The following MSMO1 variants were observed in gnomAD, a reference collection of about 807,000 sequenced individuals.
MSMO1 encodes C-4 methylsterol oxidase.
A neutral mutation model predicts 30.4 loss-of-function variants in MSMO1; 18 were observed. The observed-to-expected ratio is 0.59, with a 90% CI of 0.41 to 0.88. The LOEUF (loss-of-function observed/expected upper bound fraction) is 0.88, where lower values mean the gene tolerates loss of function less well. Among genes scored for constraint, MSMO1 ranks in the 40% least tolerant of loss-of-function variants. MSMO1 has a pLI of 0.00. For missense variants in MSMO1, 284 were observed against 340.5 expected, an observed-to-expected ratio of 0.83 and a Z score of 1.31; for synonymous variants, 84 against 107.9, an observed-to-expected ratio of 0.78 and a Z score of 1.37.
At chr4:165,337,971 T>C (rs773436048) in intron 3 of MSMO1, 34 bp downstream of exon 3, 62 of 1,593,514 alleles carry the variant, frequency 3.9e-5, no homozygotes, top group Admixed American at 1.0e-4. Context: ...TTACACCCAA[T>C]TGTGGCTTAT....
chr4:165,330,713 C>CT (rs544553624), intron 1 of MSMO1, among the ~76,000 whole-genome samples: 15 of 151,548 alleles, frequency 9.9e-5, no homozygotes, highest in Admixed American at 2.6e-4. Flanking sequence ...CTTTTTTATT[C>CT]TTTTTTTTTG....
rs889857735 is a variant in MSMO1, at chr4:165,342,059, A to G, written c.*113A>G. Reference sequence around the variant, plus strand: ...GCATGTCTTCTGGCTACTAAGTGATAAAAAGAACATTAACAACCTTTAATT... The same window carrying G: ...GCATGTCTTCTGGCTACTAAGTGATGAAAAGAACATTAACAACCTTTAATT... On this transcript the variant is annotated 3_prime_UTR_variant, in exon 6 of 6. Coordinates refer to ENST00000261507, the MANE Select transcript of MSMO1 (RefSeq NM_006745.5). The G allele has an allele frequency of 3.3e-6, 3 of 912,128 alleles. No homozygotes were observed. Among genetic ancestry groups the G allele is most frequent in the Non-Finnish European group, 3.4e-6 (2 of 585,078 alleles). 56.5% of individuals were successfully genotyped at this position (912,128 alleles called of 1,614,324 possible). A position where few individuals can be genotyped will look rare whatever the true frequency, so the allele number is the denominator to read the frequency against.
intron 3 of MSMO1, 111 bp downstream of exon 3, chr4:165,338,048 G>A: frequency 9.9e-7 from 1 of 1,013,772 alleles, no homozygotes; most frequent in Non-Finnish European, 1.5e-6. Flanking sequence ...CTAAACTTTG[G>A]AAGTAAATAA....
At position 165,333,620 on chromosome 4, in the gene MSMO1, C is replaced by T. The variant is rs1252921136; in HGVS notation, c.250C>T (p.Gln84Ter). The T allele has an allele frequency of 3.1e-6, 5 of 1,589,900 alleles. No individual in the cohort carries two copies. The highest frequency in any genetic ancestry group is 4.3e-6 in the Non-Finnish European group (5 of 1,166,826). ...ACCTTATATGAAAAAATACAAAATT[C>T]AAAAGGTGAGTATAAGGGACTAGAA... ...FIPYMKKYKI[Q>*]KDKPETWENQ... Residue 84 changes from glutamine to a stop codon, truncating the protein, a stop_gained, in exon 2 of 6, where the codon CAA (glutamine) becomes TAA (stop). Transcript: ENST00000261507. LOFTEE classifies it high-confidence loss of function.
In MSMO1 at chr4:165,333,801, A is replaced by C. The variant is rs1550271; in HGVS notation, c.255+176A>C. Among the ~76,000 whole-genome samples the C allele has an allele frequency of 0.61, 93,033 of 152,016 alleles. 28,956 individuals are homozygous for C. The highest frequency in any genetic ancestry group is 0.67 in the Admixed American group (10,240 of 15,282). On this transcript the variant is annotated intron_variant, in intron 2 of 5. Coordinates refer to ENST00000261507, the MANE Select transcript of MSMO1 (RefSeq NM_006745.5). ...ATAGAAAAGGTAAAAAGAAATAAGG[A>C]AATTAATTTCATAATGTGTATCATT...
In MSMO1 at chr4:165,340,473, G is replaced by C. The variant is rs1355904681; in HGVS notation, c.686+98G>C. 16 of 1,028,514 alleles carry C rather than the reference G, an allele frequency of 1.6e-5. No homozygotes were observed. The Admixed American group carries it at 1.6e-4, about 10-fold the overall frequency. 63.7% of individuals were successfully genotyped at this position (1,028,514 alleles called of 1,614,324 possible). A position where few individuals can be genotyped will look rare whatever the true frequency, so the allele number is the denominator to read the frequency against. Reference sequence around the variant, plus strand: ...ATTTCTAAGGAGACTAATAGGAGAAGTTAATCTTCTTAATGTTATATTAAG... The same window carrying C: ...ATTTCTAAGGAGACTAATAGGAGAACTTAATCTTCTTAATGTTATATTAAG... On this transcript the variant is annotated intron_variant, in intron 5 of 5. Coordinates refer to ENST00000261507, the MANE Select transcript of MSMO1 (RefSeq NM_006745.5).
chr4:165,328,628 A>G (rs1189137574), intron 1 of MSMO1, among the ~76,000 whole-genome samples: 1 of 152,118 alleles, frequency 6.6e-6, no homozygotes. Context: ...AACTAAATTT[A>G]TCTAGTCAAC....
chr4:165,343,146 A>G lies in MSMO1; in HGVS notation c.*1200A>G, dbSNP rs1459093818. ...TTGAAAGTACAGAAATCATTAAATT[A>G]TTAAGTTGTACAATAAAAGGATTGG... On this transcript the variant is annotated 3_prime_UTR_variant, in exon 6 of 6. Transcript: ENST00000261507. 6.8e-6 allele frequency: 1 copy of G among 146,814 alleles called. No homozygotes were observed. The highest frequency in any genetic ancestry group is 1.5e-5 in the Non-Finnish European group (1 of 66,534). 9.1% of individuals were successfully genotyped at this position (146,814 alleles called of 1,614,324 possible).
At chr4:165,334,442 CTA>C (rs1305714909) in intron 2 of MSMO1, among the ~76,000 whole-genome samples, 1 of 152,212 alleles carries the variant, frequency 6.6e-6, no homozygotes, top group Non-Finnish European at 1.5e-5. Flanking sequence ...CACCCCAACT[CTA>C]TGTTCCAGTA....
chr4:165,334,219 C>T (rs982214802), intron 2 of MSMO1, among the ~76,000 whole-genome samples: 1 of 152,206 alleles, frequency 6.6e-6, no homozygotes, highest in Non-Finnish European at 1.5e-5. Context: ...TCAATTTAGA[C>T]TAGCCATGTT....
intron 3 of MSMO1, 144 bp downstream of exon 3, chr4:165,338,081 T>TA: frequency 1.4e-6 from 1 of 718,614 alleles, no homozygotes; most frequent in Non-Finnish European, 2.3e-6. Flanking sequence ...TAAACCACAG[T>TA]AAAATCTTAA....
In MSMO1 at chr4:165,342,605, C is replaced by T. The variant is rs1747746639; in HGVS notation, c.*659C>T. 6.6e-6 allele frequency: 1 copy of T among 152,288 alleles called. No individual in the cohort carries two copies. The highest frequency in any genetic ancestry group is 1.5e-5 in the Non-Finnish European group (1 of 68,136). 9.4% of individuals were successfully genotyped at this position (152,288 alleles called of 1,614,324 possible). A position where few individuals can be genotyped will look rare whatever the true frequency, so the allele number is the denominator to read the frequency against. ...CTTCTGACCTCAAGTGATCTGCCCA[C>T]CTTGGCCTCCCAAAGTGCTGGGATT... On this transcript the variant is annotated 3_prime_UTR_variant, in exon 6 of 6. Coordinates refer to ENST00000261507, the MANE Select transcript of MSMO1 (RefSeq NM_006745.5).
At position 165,339,191 on chromosome 4, in the gene MSMO1, A is replaced by G. The variant is rs145409252; in HGVS notation, c.531+413A>G. On this transcript the variant is annotated intron_variant, in intron 4 of 5. Coordinates refer to ENST00000261507, the MANE Select transcript of MSMO1 (RefSeq NM_006745.5). ...ATGATCTCAGCTCACTGCAACCTTC[A>G]CCTCCTGGGTTCAAGCAATTCTCCT... is the stretch of plus-strand genomic sequence containing the variant. Among the ~76,000 whole-genome samples, 304 of 135,494 alleles carry G rather than the reference A, an allele frequency of 2.2e-3. 2 individuals carry two copies. The highest frequency in any genetic ancestry group is 8.1e-3 in the African/African-American group (291 of 35,854). 88.9% of individuals were successfully genotyped at this position (135,494 alleles called of 152,430 possible).
At position 165,342,024 on chromosome 4, in the gene MSMO1, G is replaced by A. The variant is rs1425186411; in HGVS notation, c.*78G>A. 4.5e-5 allele frequency: 53 copies of A among 1,165,650 alleles called. No homozygotes were observed. In the East Asian group the frequency reaches 1.3e-3, roughly 28 times the overall value. 72.2% of individuals were successfully genotyped at this position (1,165,650 alleles called of 1,614,324 possible). A position where few individuals can be genotyped will look rare whatever the true frequency, so the allele number is the denominator to read the frequency against. ...TAGTAGCTAACATTGCTTCTGGAGA[G>A]CAGAAATAAGCATGTCTTCTGGCTA... is the stretch of plus-strand genomic sequence containing the variant. On this transcript the variant is annotated 3_prime_UTR_variant, in exon 6 of 6. Transcript: ENST00000261507.
chr4:165,329,054 G>A (rs1747315425), intron 1 of MSMO1, among the ~76,000 whole-genome samples: 1 of 152,214 alleles, frequency 6.6e-6, no homozygotes, highest in Non-Finnish European at 1.5e-5. Context: ...GAGAGGGCTA[G>A]AGATAGAGAT....
chr4:165,342,193 G>T lies in MSMO1; in HGVS notation c.*247G>T. 1 of 370,232 alleles carries T rather than the reference G, an allele frequency of 2.7e-6. No individual in the cohort carries two copies. Among genetic ancestry groups the T allele is most frequent in the Non-Finnish European group, 5.0e-6 (1 of 201,518 alleles). The allele number at this position is 370,232 out of a possible 1,614,324, so 22.9% of individuals were successfully genotyped here. ...TCATGAGGAAGTTTTAAAAGACCAT[G>T]TTCCTAAGCTTCCAAGAAGGTTTTG... On this transcript the variant is annotated 3_prime_UTR_variant, in exon 6 of 6. Transcript: ENST00000261507.
At chr4:165,341,521 CATAAA>C (rs1183343827) in intron 5 of MSMO1, among the ~76,000 whole-genome samples, 2 of 151,772 alleles carry the variant, frequency 1.3e-5, no homozygotes, top group Non-Finnish European at 2.9e-5. Context: ...TATATTTTAT[CATAAA>C]ATAAATGATT....
At chr4:165,328,131 T>C (rs755573995) in intron 1 of MSMO1, 3 of 152,226 alleles carry the variant, frequency 2.0e-5, no homozygotes, top group Non-Finnish European at 4.4e-5. Context: ...AGGTAAGATG[T>C]AGTGTGCTTT....
intron 4 of MSMO1, among the ~76,000 whole-genome samples, chr4:165,339,742 G>T (rs945727984): frequency 2.0e-5 from 3 of 152,154 alleles, no homozygotes; most frequent in Non-Finnish European, 4.4e-5. Context: ...ATATATATTA[G>T]TGAAGTCTCC....
Sources: gnomAD v4.1 joint callset for allele counts (sites outside exome capture counted in the v4.1 genomes callset) on GRCh38, gnomAD v4.1.1 for gene constraint, MANE v1.5 for transcripts, NCBI Gene and HGNC (gene_info 2026-07-23, HGNC 2026-07-21) for gene names.